AP2M1: variants seen among roughly 807,000 people sequenced by gnomAD.
The protein encoded by AP2M1 is AP-2 complex subunit mu.
AP2M1 carries 5 observed loss-of-function variants against 54.5 expected under a neutral mutation model. The observed-to-expected ratio is 0.09, with a 90% confidence interval of 0.05 to 0.19. AP2M1 has a LOEUF of 0.19. Among genes scored for constraint, AP2M1 ranks in the 10% least tolerant of loss-of-function variants. The pLI, the probability that AP2M1 is intolerant of heterozygous loss-of-function variation, is 1.00. For missense variants in AP2M1, 178 were observed against 580.2 expected, an observed-to-expected ratio of 0.31 and a Z score of 7.12; for synonymous variants, 186 against 208.2, an observed-to-expected ratio of 0.89 and a Z score of 0.92.
intron 1 of AP2M1, 138 bp downstream of exon 1, chr3:184,175,097 G>A: frequency 7.6e-6 from 3 of 395,702 alleles, no homozygotes; most frequent in Non-Finnish European, 1.3e-5. Flanking sequence ...TTCGGACCCG[G>A]GAGCTAGCTG....
At position 184,182,790 on chromosome 3, in the gene AP2M1, G is replaced by C; in HGVS notation, c.1095G>C (p.Gln365His). The C allele has an allele frequency of 6.2e-7, 1 of 1,614,138 alleles. No individual in the cohort carries two copies. Among genetic ancestry groups the C allele is most frequent in the Non-Finnish European group, 8.5e-7 (1 of 1,180,018 alleles). The change falls in exon 11 of 12, where the codon CAG (glutamine) becomes CAC (histidine). Residue 365 changes from glutamine (Q) to histidine (H), a missense_variant. By Grantham distance (24) the Gln-to-His change is conservative. Coordinates refer to ENST00000292807, the MANE Select transcript of AP2M1 (RefSeq NM_004068.4). This position sits in a 1 kb window ranked among gnomAD's most constrained non-coding sequence, Gnocchi z 5.5. ...GCATGGCAGGCATGAAGGAATCGCA[G>C]ATCAGCGCAGAGATTGAGCTTCTGC... ...IKRMAGMKES[Q>H]ISAEIELLPT...
rs749721502 is a variant in AP2M1, at chr3:184,181,104, T to C, written c.585T>C (p.His195=). The C allele has an allele frequency of 2.5e-6, 4 of 1,614,102 alleles. No homozygotes were observed. The Admixed American group carries it at 5.0e-5, about 20-fold the overall frequency. ...MSPQGQVLSA[H]VSGRVVMKSY... The stretch of plus-strand genomic sequence containing the variant: ...CACCAGGGCAGGTGCTGAGTGCCCA[T>C]GTGTCGGGCCGGGTGGTGATGAAGA... The change falls in exon 7 of 12, where the codon CAT becomes CAC. Residue 195 remains histidine, a synonymous_variant. Transcript: ENST00000292807. The surrounding 1 kb of genome is among the most constrained non-coding windows in gnomAD (Gnocchi z 5.7).
chr3:184,181,241 A>G lies in AP2M1; in HGVS notation c.707+15A>G. The G allele has an allele frequency of 6.2e-7, 1 of 1,613,764 alleles. No individual in the cohort carries two copies. Among genetic ancestry groups the G allele is most frequent in the Non-Finnish European group, 8.5e-7 (1 of 1,179,968 alleles). ...ACAAGCAAGAGGTGCCTGAGGCAGGAGAGCTGGTGGGAGAGGGTGTCCCTT... is the reference window on the plus strand; with the variant it reads ...ACAAGCAAGAGGTGCCTGAGGCAGGGGAGCTGGTGGGAGAGGGTGTCCCTT... On this transcript the variant is annotated intron_variant, in intron 7 of 11. Transcript: ENST00000292807. This position sits in a 1 kb window ranked among gnomAD's most constrained non-coding sequence, Gnocchi z 5.7.
intron 1 of AP2M1, among the ~76,000 whole-genome samples, chr3:184,176,172 C>T (rs904929724): frequency 6.6e-6 from 1 of 152,134 alleles, no homozygotes; most frequent in African/African-American, 2.4e-5. Flanking sequence ...ATTTTATGAG[C>T]CTGCGCCACC....
At chr3:184,176,864 A>G in intron 1 of AP2M1, 87 bp from the exon 2 acceptor site, 2 of 909,078 alleles carry the variant, frequency 2.2e-6, no homozygotes, top group Non-Finnish European at 3.2e-6. Context: ...TGAGTCAGGA[A>G]AGAAGCTCCA....
chr3:184,174,870 G>C lies in AP2M1; in HGVS notation c.-133G>C. 2.5e-6 allele frequency: 1 copy of C among 398,162 alleles called. No homozygotes were observed. The highest frequency in any genetic ancestry group is 4.4e-6 in the Non-Finnish European group (1 of 225,680). 24.7% of individuals were successfully genotyped at this position (398,162 alleles called of 1,614,324 possible). A position where few individuals can be genotyped will look rare whatever the true frequency, so the allele number is the denominator to read the frequency against. ...GGGCGGCGGCACTGCGGTGAAAGCC[G>C]AGGCAGCGGGCAGACGAGCAGGGGG... is the stretch of plus-strand genomic sequence containing the variant. On this transcript the variant is annotated 5_prime_UTR_variant, in exon 1 of 12. Transcript: ENST00000292807.
chr3:184,176,176 C>T lies in AP2M1; in HGVS notation c.-43-775C>T, dbSNP rs529682230. The stretch of plus-strand genomic sequence containing the variant: ...AGGATTTCTTAATTTTATGAGCCTG[C>T]GCCACCCCCACCCCCCAGTCCTTAT... On this transcript the variant is annotated intron_variant, in intron 1 of 11. Transcript: ENST00000292807. 5.9e-5 allele frequency among the ~76,000 whole-genome samples: 9 copies of T among 152,236 alleles called. No homozygotes were observed. In the South Asian group the frequency reaches 1.4e-3, roughly 25 times the overall value.
chr3:184,178,187 TTC>T lies in AP2M1; in HGVS notation c.75-665_75-664del. 3.3e-6 allele frequency: 5 copies of T among 1,535,538 alleles called. No individual in the cohort carries two copies. Among genetic ancestry groups the T allele is most frequent in the Non-Finnish European group, 4.4e-6 (5 of 1,146,302 alleles). ...ACTCTCCTCTTCTTGCTGGCGTCAT[TTC>T]TCTCATCCCATCTCATTGGCTGCCG... On this transcript the variant is annotated intron_variant, in intron 2 of 11. Coordinates refer to ENST00000292807, the MANE Select transcript of AP2M1 (RefSeq NM_004068.4). This position sits in a 1 kb window ranked among gnomAD's most constrained non-coding sequence, Gnocchi z 4.9.
rs986351225 is a variant in AP2M1, at chr3:184,183,770, C to A, written c.*154C>A. On this transcript the variant is annotated 3_prime_UTR_variant, in exon 12 of 12. Coordinates refer to ENST00000292807, the MANE Select transcript of AP2M1 (RefSeq NM_004068.4). The surrounding 1 kb of genome is among the most constrained non-coding windows in gnomAD (Gnocchi z 5.7). The stretch of plus-strand genomic sequence containing the variant: ...GTCTAGGTCTGGGCCAAGCACATTA[C>A]AAGTGGGACCGGTGGAGCAGCCCCT... 2.2e-6 allele frequency: 2 copies of A among 894,236 alleles called. No individual in the cohort carries two copies. The highest frequency in any genetic ancestry group is 1.7e-6 in the Non-Finnish European group (1 of 602,912). The allele number at this position is 894,236 out of a possible 1,614,324, so 55.4% of individuals were successfully genotyped here.
chr3:184,182,181 G>A lies in AP2M1; in HGVS notation c.994G>A (p.Gly332Arg), dbSNP rs1715296303. 6.2e-7 allele frequency: 1 copy of A among 1,614,072 alleles called. No individual in the cohort carries two copies. The highest frequency in any genetic ancestry group is 8.5e-7 in the Non-Finnish European group (1 of 1,180,030). The change falls in exon 10 of 12, where the codon GGG (glycine) becomes AGG (arginine). Residue 332 changes from glycine (G) to arginine (R), a missense_variant. Physicochemically the swap from Gly to Arg is moderately radical, Grantham distance 125. Around this residue, in one of 5 missense-constraint regions of AP2M1, gnomAD observed 59 missense variants for 176.8 expected, o/e 0.33. Transcript: ENST00000292807. This position sits in a 1 kb window ranked among gnomAD's most constrained non-coding sequence, Gnocchi z 5.5. ...VRIPTPLNTS[G>R]VQVICMKGKA... ...GATCCCAACCCCACTGAACACAAGC[G>A]GGGTGCAGGTGATCTGCATGAAGGG...
chr3:184,183,013 C>G lies in AP2M1; in HGVS notation c.1173+145C>G, dbSNP rs960579747. The G allele has an allele frequency of 9.5e-6, 7 of 734,518 alleles. No homozygotes were observed. Among genetic ancestry groups the G allele is most frequent in the Non-Finnish European group, 1.5e-5 (6 of 408,770 alleles). The allele number at this position is 734,518 out of a possible 1,614,324, so 45.5% of individuals were successfully genotyped here. Reference sequence around the variant, plus strand: ...GCTTTAATTCATAGATCCATTCTTCCCCTTTCAAGCCTCTTAGTAGAAATT... The same window carrying G: ...GCTTTAATTCATAGATCCATTCTTCGCCTTTCAAGCCTCTTAGTAGAAATT... On this transcript the variant is annotated intron_variant, in intron 11 of 11. Transcript: ENST00000292807. The surrounding 1 kb of genome is among the most constrained non-coding windows in gnomAD (Gnocchi z 5.7).
chr3:184,179,657 CTTTTCTT>C (rs1560126272), intron 3 of AP2M1, among the ~76,000 whole-genome samples: 1 of 112,140 alleles, frequency 8.9e-6, no homozygotes, highest in African/African-American at 3.7e-5. Context: ...CTATTGATTT[CTTTTCTT>C]TTTTTTTTTT....
At chr3:184,177,109 C>A in intron 2 of AP2M1, 42 bp downstream of exon 2, 2 of 1,577,252 alleles carry the variant, frequency 1.3e-6, no homozygotes, top group Non-Finnish European at 1.7e-6. Context: ...ACCACTCCAG[C>A]CCCCCAGCCC....
rs1014427824 is a variant in AP2M1 at position 184,177,924 on chromosome 3, G to A, written c.74+857G>A. The A allele has an allele frequency of 3.2e-5, 19 of 597,952 alleles. 1 individual carries two copies. Among genetic ancestry groups the A allele is most frequent in the African/African-American group, 9.3e-5 (5 of 53,952 alleles). 37.0% of individuals were successfully genotyped at this position (597,952 alleles called of 1,614,324 possible). On this transcript the variant is annotated intron_variant, in intron 2 of 11. Transcript: ENST00000292807. The stretch of plus-strand genomic sequence containing the variant: ...GCTGATGGGCTGGCTTGGCCCTTGC[G>A]GGCGTTTGTCCATTGGCTGGTGGTG...
At position 184,180,423 on chromosome 3, in the gene AP2M1, C is replaced by T. The variant is rs1577059361; in HGVS notation, c.423+172C>T. 5.8e-6 allele frequency: 6 copies of T among 1,033,546 alleles called. No individual in the cohort carries two copies. The highest frequency in any genetic ancestry group is 8.5e-6 in the Non-Finnish European group (6 of 709,286). The allele number at this position is 1,033,546 out of a possible 1,614,324, so 64.0% of individuals were successfully genotyped here. ...TTTGCTCTGTGTGGTCCTCCCACTG[C>T]AGGAGCAGCCAATTCAGCATCTCTA... On this transcript the variant is annotated intron_variant, in intron 4 of 11. Coordinates refer to ENST00000292807, the MANE Select transcript of AP2M1 (RefSeq NM_004068.4). The surrounding 1 kb of genome is among the most constrained non-coding windows in gnomAD (Gnocchi z 4.9).
intron 3 of AP2M1, 88 bp downstream of exon 3, chr3:184,179,210 C>A: frequency 6.8e-7 from 1 of 1,469,836 alleles, no homozygotes; most frequent in Non-Finnish European, 9.3e-7. Context: ...AGGTCCGAGG[C>A]TCTGGTACAC....
At chr3:184,175,250 T>G in intron 1 of AP2M1, 1 of 353,626 alleles carries the variant, frequency 2.8e-6, no homozygotes, top group Non-Finnish European at 5.0e-6. Context: ...GCCCCCTCCC[T>G]AGGATCGTGC....
At position 184,174,968 on chromosome 3, in the gene AP2M1, G is replaced by A; in HGVS notation, c.-44+9G>A. On this transcript the variant is annotated intron_variant, in intron 1 of 11. Coordinates refer to ENST00000292807, the MANE Select transcript of AP2M1 (RefSeq NM_004068.4). ...GGGGCCGAGGACACCAGGTGAGCCG[G>A]GGATCTGGCCTTATGGCGTGGAGGA... 2.5e-6 allele frequency: 1 copy of A among 398,766 alleles called. No homozygotes were observed. The allele number at this position is 398,766 out of a possible 1,614,324, so 24.7% of individuals were successfully genotyped here.
In AP2M1 at chr3:184,183,437, G is replaced by T; in HGVS notation, c.1174-45G>T. 1 of 1,612,226 alleles carries T rather than the reference G, an allele frequency of 6.2e-7. No homozygotes were observed. On this transcript the variant is annotated intron_variant, in intron 11 of 11. Coordinates refer to ENST00000292807, the MANE Select transcript of AP2M1 (RefSeq NM_004068.4). This position sits in a 1 kb window ranked among gnomAD's most constrained non-coding sequence, Gnocchi z 5.7. ...CAACGGGACTTCCCAGAGGAGAGCG[G>T]CTGTAAGAGGAAGGCCACATTTCTA... is the stretch of plus-strand genomic sequence containing the variant.
Sources: gnomAD v4.1 joint callset for allele counts (sites outside exome capture counted in the v4.1 genomes callset) on GRCh38, gnomAD v4.1.1 for gene constraint, gnomAD v4.1.1 regional missense constraint, Gnocchi (gnomAD v3.1) non-coding constraint, MANE v1.5 for transcripts, NCBI Gene and HGNC (gene_info 2026-07-23, HGNC 2026-07-21) for gene names.